Variants in ALG14 observed in about 807,000 individuals in gnomAD.
ALG14 encodes the protein UDP-N-acetylglucosamine transferase subunit ALG14.
A neutral mutation model predicts 22.8 loss-of-function variants in ALG14; 17 were observed. The ratio of observed to expected loss-of-function variants is 0.75; its 90% CI spans 0.51 to 1.12. ALG14 has a LOEUF of 1.12. Ranked by LOEUF, ALG14 falls within the 50% of genes most tolerant of loss-of-function variation. The probability of loss-of-function intolerance (pLI) is 0.00; values close to 1 mark genes in which losing one functional copy is unlikely to be tolerated. For missense variants in ALG14, 288 were observed against 271.8 expected, an observed-to-expected ratio of 1.06 and a Z score of -0.42; for synonymous variants, 89 against 103.7, an observed-to-expected ratio of 0.86 and a Z score of 0.86.
intron 2 of ALG14, among the ~76,000 whole-genome samples, chr1:95,038,846 G>A (rs971240862): frequency 6.6e-6 from 1 of 151,706 alleles, no homozygotes; most frequent in African/African-American, 2.4e-5. Context: ...GGCCTTCTGG[G>A]TAGCCAGGAC....
chr1:95,022,980 CAT>C (rs1433758348), intron 3 of ALG14, among the ~76,000 whole-genome samples: 1 of 152,096 alleles, frequency 6.6e-6, no homozygotes, highest in Non-Finnish European at 1.5e-5. Context: ...ATTTCAAACA[CAT>C]GTTAATTAGT....
chr1:95,056,784 C>T (rs758091342), intron 2 of ALG14, among the ~76,000 whole-genome samples: 15 of 151,074 alleles, frequency 9.9e-5, no homozygotes, highest in East Asian at 4.8e-4. Context: ...TCTGGCTGGG[C>T]GTGGTGGCTC....
intron 2 of ALG14, among the ~76,000 whole-genome samples, chr1:95,052,558 T>C (rs1448044006): frequency 6.6e-6 from 1 of 152,166 alleles, no homozygotes; most frequent in Non-Finnish European, 1.5e-5. Flanking sequence ...GTTAACAATT[T>C]ACGAATAATG....
In ALG14 at chr1:94,996,556, G is replaced by T. The variant is rs149407763; in HGVS notation, c.421-13250C>A. ...GAACTGCCAGATATTGGAGAACTCAGCCAGAATGCCCTTCCATGTGATGGT... is the reference window on the plus strand; with the variant it reads ...GAACTGCCAGATATTGGAGAACTCATCCAGAATGCCCTTCCATGTGATGGT... On this transcript the variant is annotated intron_variant, in intron 3 of 3. Coordinates refer to ENST00000370205, the MANE Select transcript of ALG14 (RefSeq NM_144988.4). Among the ~76,000 whole-genome samples, 1,130 of 152,340 alleles carry T rather than the reference G, an allele frequency of 7.4e-3. 11 individuals carry two copies. The highest frequency in any genetic ancestry group is 0.025 in the African/African-American group (1,054 of 41,576).
chr1:95,051,379 C>T (rs1674743996), intron 2 of ALG14, among the ~76,000 whole-genome samples: 1 of 152,186 alleles, frequency 6.6e-6, no homozygotes, highest in Admixed American at 6.5e-5. Context: ...ATCTGACTTC[C>T]TTCTCCCGCA....
At chr1:94,992,869 T>C (rs565451896) in intron 3 of ALG14, among the ~76,000 whole-genome samples, 1 of 152,120 alleles carries the variant, frequency 6.6e-6, no homozygotes, top group South Asian at 2.1e-4. Context: ...CATGAAAGCA[T>C]TTAACACAGT....
At chr1:94,990,208 A>C (rs1672739385) in intron 3 of ALG14, among the ~76,000 whole-genome samples, 1 of 152,216 alleles carries the variant, frequency 6.6e-6, no homozygotes, top group Non-Finnish European at 1.5e-5. Flanking sequence ...TGCAGAGGTT[A>C]CAGTCAGGGG....
chr1:95,024,731 G>A (rs1673763666), intron 3 of ALG14, among the ~76,000 whole-genome samples: 1 of 152,182 alleles, frequency 6.6e-6, no homozygotes, highest in African/African-American at 2.4e-5. Context: ...TCCTATCACA[G>A]AATAGGGTCC....
intron 2 of ALG14, among the ~76,000 whole-genome samples, chr1:95,061,215 C>T (rs546832215): frequency 6.6e-6 from 1 of 152,238 alleles, no homozygotes; most frequent in African/African-American, 2.4e-5. Context: ...TTTTAAGCCA[C>T]CCAGTTTATG....
intron 2 of ALG14, among the ~76,000 whole-genome samples, chr1:95,036,127 G>C (rs1487281833): frequency 3.3e-5 from 5 of 152,054 alleles, no homozygotes; most frequent in African/African-American, 1.2e-4. Flanking sequence ...TATAAGTGAG[G>C]GTGCTGTGGG....
chr1:94,997,686 T>C (rs1672944799), intron 3 of ALG14, among the ~76,000 whole-genome samples: 1 of 152,232 alleles, frequency 6.6e-6, no homozygotes, highest in Non-Finnish European at 1.5e-5. Flanking sequence ...GCTTCCCTTA[T>C]GGGGTTTTAG....
At position 94,977,207 on chromosome 1, in the gene ALG14, C is replaced by CA. The variant is rs1234805520; in HGVS notation, c.*5868dup. Reference sequence around the variant, plus strand: ...GACTAAAGAGGAGATAGGCCGGGCGCAGTGCCGCATGCCTGTGATTCCAGC... The same window carrying CA: ...GACTAAAGAGGAGATAGGCCGGGCGCAAGTGCCGCATGCCTGTGATTCCAGC... On this transcript the variant is annotated 3_prime_UTR_variant, in exon 4 of 4. Coordinates refer to ENST00000370205, the MANE Select transcript of ALG14 (RefSeq NM_144988.4). 6.6e-6 allele frequency: 1 copy of CA among 152,202 alleles called. No homozygotes were observed. Among genetic ancestry groups the CA allele is most frequent in the Non-Finnish European group, 1.5e-5 (1 of 68,056 alleles). 9.4% of individuals were successfully genotyped at this position (152,202 alleles called of 1,614,324 possible). A position where few individuals can be genotyped will look rare whatever the true frequency, so the allele number is the denominator to read the frequency against.
chr1:95,064,756 T>C (rs1323054207), intron 2 of ALG14, 110 bp downstream of exon 2: 7 of 888,566 alleles, frequency 7.9e-6, no homozygotes, highest in African/African-American at 1.7e-5. Flanking sequence ...CAGCAAACAT[T>C]TGACTGCCCA....
chr1:95,060,145 C>T (rs906915164), intron 2 of ALG14, among the ~76,000 whole-genome samples: 1 of 49,556 alleles, frequency 2.0e-5, no homozygotes, highest in African/African-American at 8.3e-5. Context: ...CACACACACA[C>T]ACACACACAC....
chr1:95,028,610 G>A (rs1305119713), intron 2 of ALG14, among the ~76,000 whole-genome samples: 1 of 152,234 alleles, frequency 6.6e-6, no homozygotes, highest in South Asian at 2.1e-4. Context: ...CTGAGGTCAG[G>A]AGTTTGAGAC....
At chr1:95,054,716 T>C (rs549981814) in intron 2 of ALG14, among the ~76,000 whole-genome samples, 1 of 152,308 alleles carries the variant, frequency 6.6e-6, no homozygotes. Context: ...CCCAGGTGGT[T>C]TTGTCTTAGA....
At position 95,016,409 on chromosome 1, in the gene ALG14, T is replaced by C. The variant is rs564130320; in HGVS notation, c.420+10720A>G. ...AGGTATCATCTGTGTAAGTTTGTAA[T>C]TCTAAGTGTACAAATGCCTTCTCCA... On this transcript the variant is annotated intron_variant, in intron 3 of 3. Coordinates refer to ENST00000370205, the MANE Select transcript of ALG14 (RefSeq NM_144988.4). Among the ~76,000 whole-genome samples, 25 of 152,312 alleles carry C rather than the reference T, an allele frequency of 1.6e-4. No individual in the cohort carries two copies. In the South Asian group the frequency reaches 5.0e-3, roughly 30 times the overall value.
intron 3 of ALG14, among the ~76,000 whole-genome samples, chr1:95,015,894 A>T (rs1571608227): frequency 1.3e-5 from 2 of 152,352 alleles, no homozygotes; most frequent in East Asian, 3.9e-4. Context: ...GTTTTAAAAC[A>T]TTTATTAACT....
Position 94,981,678 on chromosome 1 carries a change from G to T in ALG14, c.*1398C>A, listed in dbSNP as rs920959554. Reference sequence around the variant, plus strand: ...TCTTCTCTTTTCTGTTTTTTATTTTGTTTTGTTTTTTTTTTTTTTGGCTGC... The same window carrying T: ...TCTTCTCTTTTCTGTTTTTTATTTTTTTTTGTTTTTTTTTTTTTTGGCTGC... On this transcript the variant is annotated 3_prime_UTR_variant, in exon 4 of 4. Coordinates refer to ENST00000370205, the MANE Select transcript of ALG14 (RefSeq NM_144988.4). 29 of 133,552 alleles carry T rather than the reference G, an allele frequency of 2.2e-4. No individual in the cohort carries two copies. The highest frequency in any genetic ancestry group is 5.0e-4 in the African/African-American group (19 of 37,842). 8.3% of individuals were successfully genotyped at this position (133,552 alleles called of 1,614,324 possible). A position where few individuals can be genotyped will look rare whatever the true frequency, so the allele number is the denominator to read the frequency against.
Sources: allele counts gnomAD v4.1 joint callset (sites outside exome capture counted in the v4.1 genomes callset), GRCh38; gene constraint gnomAD v4.1.1; transcripts MANE v1.5; gene names NCBI Gene and HGNC (gene_info 2026-07-23, HGNC 2026-07-21).